Variants in PRMT7 observed in about 807,000 individuals in gnomAD.
The protein encoded by PRMT7 is protein arginine N-methyltransferase 7.
In PRMT7, 75 loss-of-function variants were observed where a neutral mutation model predicts 85.4. That is an observed-to-expected ratio of 0.88 (90% CI 0.73 to 1.06). PRMT7 has a LOEUF of 1.06. Ranked by LOEUF, PRMT7 falls within the 50% of genes least tolerant of loss-of-function variation. The pLI, the probability that PRMT7 is intolerant of heterozygous loss-of-function variation, is 0.00. For synonymous variants in PRMT7, 397 were observed against 359.5 expected (o/e 1.10, Z -1.18); for missense variants, 868 against 915.2 (o/e 0.95, Z 0.67).
At chr16:68,345,256 C>G (rs2086184892) in intron 9 of PRMT7, among the ~76,000 whole-genome samples, 1 of 152,158 alleles carries the variant, frequency 6.6e-6, no homozygotes, top group African/African-American at 2.4e-5. Context: ...TACGTTAAAG[C>G]CTTTGGAATG....
chr16:68,328,671 A>G (rs1485681987), intron 5 of PRMT7, among the ~76,000 whole-genome samples: 1 of 152,030 alleles, frequency 6.6e-6, no homozygotes, highest in Admixed American at 6.6e-5. Flanking sequence ...GGGATTTGGG[A>G]CAATTTTGAG....
At chr16:68,331,311 C>CT (rs1567673399) in intron 6 of PRMT7, among the ~76,000 whole-genome samples, 1 of 151,880 alleles carries the variant, frequency 6.6e-6, no homozygotes, top group East Asian at 1.9e-4. Flanking sequence ...GAGCAGCACT[C>CT]TATTAGATAG....
intron 14 of PRMT7, 175 bp from the exon 15 acceptor site, chr16:68,352,073 G>C: frequency 1.6e-6 from 1 of 629,124 alleles, no homozygotes; most frequent in Non-Finnish European, 2.7e-6. Flanking sequence ...GACTGAGGGA[G>C]GGAGGGACTG....
intron 9 of PRMT7, among the ~76,000 whole-genome samples, chr16:68,344,456 C>T (rs183777143): frequency 4.5e-4 from 69 of 152,322 alleles, no homozygotes; most frequent in African/African-American, 1.6e-3. Context: ...TTCCGGGCCC[C>T]GTGGCCTTCA....
At chr16:68,345,976 C>G (rs1230317039) in intron 10 of PRMT7, 169 bp from the exon 11 acceptor site, 1 of 1,295,762 alleles carries the variant, frequency 7.7e-7, no homozygotes, top group East Asian at 2.4e-5. Flanking sequence ...CCAGGAGAGG[C>G]TGTCATGGGT....
chr16:68,315,020 T>C (rs2044511698), intron 2 of PRMT7, among the ~76,000 whole-genome samples: 1 of 151,896 alleles, frequency 6.6e-6, no homozygotes, highest in Non-Finnish European at 1.5e-5. Flanking sequence ...CACTCACTTG[T>C]AGTCCCAACT....
intron 6 of PRMT7, among the ~76,000 whole-genome samples, chr16:68,333,284 A>G (rs1363935836): frequency 6.6e-6 from 1 of 152,066 alleles, no homozygotes; most frequent in East Asian, 1.9e-4. Context: ...GGGAGTAGCA[A>G]CCAGCCTGAC....
At chr16:68,320,375 A>G (rs1362579461) in intron 3 of PRMT7, among the ~76,000 whole-genome samples, 2 of 152,190 alleles carry the variant, frequency 1.3e-5, no homozygotes, top group Non-Finnish European at 2.9e-5. Flanking sequence ...CCACGAACAG[A>G]ACTTTACCTA....
chr16:68,319,156 G>A (rs1305559084), intron 3 of PRMT7: 1 of 152,296 alleles, frequency 6.6e-6, no homozygotes, highest in East Asian at 1.9e-4. Flanking sequence ...TCCACATAGA[G>A]ATGCCAATGG....
At chr16:68,349,129 TC>T (rs2086876737) in intron 14 of PRMT7, among the ~76,000 whole-genome samples, 2 of 152,244 alleles carry the variant, frequency 1.3e-5, no homozygotes, top group South Asian at 4.1e-4. Context: ...TCGTCGTTAC[TC>T]CCACGGTCTC....
chr16:68,316,106 G>C (rs754029271), intron 3 of PRMT7, 32 bp downstream of exon 3: 2 of 1,584,576 alleles, frequency 1.3e-6, no homozygotes, highest in East Asian at 4.5e-5. Flanking sequence ...GGCTGCAGCT[G>C]GGTGGGGCAC....
intron 14 of PRMT7, among the ~76,000 whole-genome samples, chr16:68,350,739 C>A (rs149049538): frequency 3.8e-4 from 58 of 152,356 alleles, no homozygotes; most frequent in African/African-American, 1.3e-3. Context: ...TCCGCAGTCC[C>A]CCAGCCCTGG....
chr16:68,348,466 G>T (rs377120584), intron 14 of PRMT7, 35 bp downstream of exon 14: 4 of 1,537,890 alleles, frequency 2.6e-6, no homozygotes, highest in Non-Finnish European at 3.6e-6. Flanking sequence ...ACGCTGGGCT[G>T]TGTTAGGGTG....
chr16:68,339,914 G>GA lies in PRMT7; in HGVS notation c.874dup (p.Ile292AsnfsTer50). ...ACATTGAAATGGACCCTGAGGGGAAGATCAAGTGCACCATGGCCCCCTTCT... is the reference window on the plus strand; with the variant it reads ...ACATTGAAATGGACCCTGAGGGGAAGAATCAAGTGCACCATGGCCCCCTTCT... On this transcript the variant is annotated frameshift_variant, in exon 9 of 19. Coordinates refer to ENST00000441236, the MANE Select transcript of PRMT7 (RefSeq NM_019023.5). LOFTEE classifies it high-confidence loss of function. 6.2e-7 allele frequency: 1 copy of GA among 1,614,172 alleles called. No homozygotes were observed. Among genetic ancestry groups the GA allele is most frequent in the Non-Finnish European group, 8.5e-7 (1 of 1,180,028 alleles).
intron 6 of PRMT7, among the ~76,000 whole-genome samples, chr16:68,330,086 G>A (rs2083648412): frequency 6.6e-6 from 1 of 151,888 alleles, no homozygotes; most frequent in Non-Finnish European, 1.5e-5. Context: ...CAGAGACGGG[G>A]TTTCACCATG....
At chr16:68,313,888 T>A (rs2044316423) in intron 2 of PRMT7, among the ~76,000 whole-genome samples, 1 of 152,114 alleles carries the variant, frequency 6.6e-6, no homozygotes, top group Admixed American at 6.6e-5. Context: ...AGTGTAATGA[T>A]CATGCCTGTG....
At chr16:68,338,799 A>G (rs12925682) in intron 7 of PRMT7, among the ~76,000 whole-genome samples, 7,840 of 152,196 alleles carry the variant, frequency 0.052, 241 homozygotes, top group Middle Eastern at 0.15. Context: ...CCGGGTCCCT[A>G]TTGCCTGGTG....
At position 68,346,161 on chromosome 16, in the gene PRMT7, A is replaced by G. The variant is rs1401752574; in HGVS notation, c.1072A>G (p.Arg358Gly). ...LQRTSPEKNE[R>G]VRQMRPVCDC... ...CTGGCCTAGCCCTGAAAAGAATGAG[A>G]GAGTCCGCCAGATGCGCCCCGTGTG... The change falls in exon 11 of 19, where the codon AGA becomes GGA. Residue 358 changes from arginine to glycine, a missense_variant. By Grantham distance (125) the Arg-to-Gly change is moderately radical. Transcript: ENST00000441236. 1.2e-6 allele frequency: 2 copies of G among 1,613,782 alleles called. No individual in the cohort carries two copies. The highest frequency in any genetic ancestry group is 3.3e-5 in the Admixed American group (2 of 59,988).
At chr16:68,359,335 CAG>C (rs1440316473), downstream of PRMT7, 1 of 152,392 alleles carries the variant, frequency 6.6e-6, no homozygotes, top group Non-Finnish European at 1.5e-5. Context: ...GTGGGCCGGG[CAG>C]AGAGCCCAGC....
Sources: allele counts gnomAD v4.1 joint callset (sites outside exome capture counted in the v4.1 genomes callset), GRCh38; gene constraint gnomAD v4.1.1; transcripts MANE v1.5; gene names NCBI Gene and HGNC (gene_info 2026-07-23, HGNC 2026-07-21).